Variants in NCK2 observed in about 807,000 individuals in gnomAD.
The protein encoded by NCK2 is NCK adaptor protein 2.
A neutral mutation model predicts 33.9 loss-of-function variants in NCK2; 16 were observed. The observed-to-expected ratio is 0.47, with a 90% CI of 0.32 to 0.72. The LOEUF (loss-of-function observed/expected upper bound fraction) is 0.72, where lower values mean the gene tolerates loss of function less well. Among genes scored for constraint, NCK2 ranks in the 30% least tolerant of loss-of-function variants. The probability of loss-of-function intolerance (pLI) is 0.03; values close to 1 mark genes in which losing one functional copy is unlikely to be tolerated. For synonymous variants in NCK2, 273 were observed against 239.9 expected (o/e 1.14, Z -1.27); for missense variants, 418 against 537.3 (o/e 0.78, Z 2.19).
At chr2:105,797,101 C>T (rs1691105234) in intron 1 of NCK2, among the ~76,000 whole-genome samples, 2 of 152,068 alleles carry the variant, frequency 1.3e-5, no homozygotes, top group Admixed American at 6.5e-5. Context: ...CCTTTTTAGG[C>T]CTTTGACTCA....
rs146654576 is a variant in NCK2, at chr2:105,766,655, GT to G, written c.-201+21519del. Among the ~76,000 whole-genome samples, 854 of 152,196 alleles carry G rather than the reference GT, an allele frequency of 5.6e-3. 5 individuals are homozygous for G. The highest frequency in any genetic ancestry group is 8.9e-3 in the Non-Finnish European group (606 of 67,994). On this transcript the variant is annotated intron_variant, in intron 1 of 4. Coordinates refer to ENST00000233154, the MANE Select transcript of NCK2 (RefSeq NM_003581.5). ...TCTTTTTCTCCACTGCTTTGTATCT[GT>G]TGACTTGTCACCTTTCAGGGTAGTC...
At position 105,873,805 on chromosome 2, in the gene NCK2, C is replaced by T. The variant is rs372706152; in HGVS notation, c.227-7523C>T. On this transcript the variant is annotated intron_variant, in intron 3 of 4. Transcript: ENST00000233154. ...CAACTCTTGGTTGGGGCCTGTCTCTCTGAGCCTCTCCCTGCTCACCTCTGC... is the reference window on the plus strand; with the variant it reads ...CAACTCTTGGTTGGGGCCTGTCTCTTTGAGCCTCTCCCTGCTCACCTCTGC... 3.0e-4 allele frequency among the ~76,000 whole-genome samples: 45 copies of T among 152,232 alleles called. 1 individual carries two copies. Among genetic ancestry groups the T allele is most frequent in the Admixed American group, 1.4e-3 (21 of 15,286 alleles).
chr2:105,826,693 A>G (rs148699228), intron 2 of NCK2, among the ~76,000 whole-genome samples: 1,994 of 152,274 alleles, frequency 0.013, 21 homozygotes, highest in Non-Finnish European at 0.02. Context: ...TCCTCACAGT[A>G]TCCTTCTCTC....
At chr2:105,793,620 T>G (rs2104430343) in intron 1 of NCK2, among the ~76,000 whole-genome samples, 3 of 152,400 alleles carry the variant, frequency 2.0e-5, no homozygotes, top group Middle Eastern at 6.8e-3. Context: ...ATTTCTTTGT[T>G]TTGAGTAGCA....
intron 1 of NCK2, among the ~76,000 whole-genome samples, chr2:105,812,945 G>C (rs1427766163): frequency 6.6e-6 from 1 of 152,094 alleles, no homozygotes; most frequent in Non-Finnish European, 1.5e-5. Context: ...GATTTGAGAG[G>C]TTGGAGCCGG....
chr2:105,829,140 C>T (rs1031035894), intron 2 of NCK2, among the ~76,000 whole-genome samples: 1 of 151,938 alleles, frequency 6.6e-6, no homozygotes, highest in African/African-American at 2.4e-5. Context: ...TTAAAATTTC[C>T]ATTTGTGATA....
At chr2:105,845,437 C>T (rs138955394) in intron 2 of NCK2, among the ~76,000 whole-genome samples, 1,722 of 151,270 alleles carry the variant, frequency 0.011, 25 homozygotes, top group African/African-American at 0.039. Flanking sequence ...CTCTGTCACC[C>T]AGGTTGGAGT....
chr2:105,877,826 A>G (rs1223416381), intron 3 of NCK2, among the ~76,000 whole-genome samples: 1 of 152,246 alleles, frequency 6.6e-6, no homozygotes, highest in African/African-American at 2.4e-5. Context: ...TCTGTGCCAC[A>G]TCACTGGTGG....
chr2:105,856,329 A>G (rs543661324), intron 3 of NCK2, among the ~76,000 whole-genome samples: 318 of 19,508 alleles, frequency 0.016, 3 homozygotes, highest in African/African-American at 0.097. Flanking sequence ...CTGACATTTA[A>G]AACGTTGTTA....
intron 1 of NCK2, among the ~76,000 whole-genome samples, chr2:105,770,124 TAAAAAAA>T (rs76726445): frequency 3.2e-5 from 4 of 126,778 alleles, no homozygotes; most frequent in East Asian, 4.4e-4. Context: ...CACTAATAAG[TAAAAAAA>T]AAAAAAAAAA....
At chr2:105,745,409 C>T (rs1689247376) in intron 1 of NCK2, among the ~76,000 whole-genome samples, 1 of 151,840 alleles carries the variant, frequency 6.6e-6, no homozygotes, top group Non-Finnish European at 1.5e-5. Context: ...GCGGGGACGC[C>T]AGCCAAGGGC....
chr2:105,811,956 TAATC>T (rs938221839), intron 1 of NCK2, among the ~76,000 whole-genome samples: 21 of 152,308 alleles, frequency 1.4e-4, no homozygotes, highest in African/African-American at 4.1e-4. Context: ...CCTTAAACTC[TAATC>T]AGTCACTTTT....
At chr2:105,751,256 G>C (rs1689445579) in intron 1 of NCK2, among the ~76,000 whole-genome samples, 1 of 152,096 alleles carries the variant, frequency 6.6e-6, no homozygotes, top group African/African-American at 2.4e-5. Context: ...TTCTCCCTCA[G>C]CTCCCAACTA....
chr2:105,864,848 CACACACACACA>C (rs1192962574), intron 3 of NCK2, among the ~76,000 whole-genome samples: 1 of 83,310 alleles, frequency 1.2e-5, no homozygotes, highest in Non-Finnish European at 3.2e-5. Context: ...CACACACACA[CACACACACACA>C]CACACACACA....
intron 1 of NCK2, among the ~76,000 whole-genome samples, chr2:105,808,458 A>C (rs1675168165): frequency 6.6e-6 from 1 of 152,186 alleles, no homozygotes; most frequent in Non-Finnish European, 1.5e-5. Context: ...TTACTAAATC[A>C]CGGATTAATC....
intron 3 of NCK2, among the ~76,000 whole-genome samples, chr2:105,865,756 C>T (rs1335731020): frequency 1.3e-5 from 2 of 152,068 alleles, no homozygotes; most frequent in Non-Finnish European, 1.5e-5. Context: ...GTGCCGCTGC[C>T]GCATGAGTCA....
rs140302015 is a variant in NCK2 at position 105,857,387 on chromosome 2, G to A, written c.226+2098G>A. ...TCCAGCCCTGCTGGAGCGCAGCGTC[G>A]GTTCGAGTAGGCCAATCCCATTTTT... On this transcript the variant is annotated intron_variant, in intron 3 of 4. Transcript: ENST00000233154. Among the ~76,000 whole-genome samples the A allele has an allele frequency of 2.3e-4, 35 of 152,358 alleles. No individual in the cohort carries two copies. In the Middle Eastern group the frequency reaches 0.014, roughly 59 times the overall value.
intron 1 of NCK2, among the ~76,000 whole-genome samples, chr2:105,801,813 A>G (rs1174400016): frequency 6.6e-6 from 1 of 152,116 alleles, no homozygotes; most frequent in Non-Finnish European, 1.5e-5. Context: ...CCAAAAGCAC[A>G]TGGGACTTTA....
intron 1 of NCK2, among the ~76,000 whole-genome samples, chr2:105,783,629 G>T (rs1007941871): frequency 1.3e-5 from 2 of 152,092 alleles, no homozygotes; most frequent in African/African-American, 4.8e-5. Flanking sequence ...TTGTTCCTCT[G>T]AGCATCATGA....
Sources: allele counts gnomAD v4.1 joint callset (sites outside exome capture counted in the v4.1 genomes callset), GRCh38; gene constraint gnomAD v4.1.1; transcripts MANE v1.5; gene names NCBI Gene and HGNC (gene_info 2026-07-23, HGNC 2026-07-21).